Variants in DNAJC21 observed in about 807,000 individuals in gnomAD.
DNAJC21 encodes the protein DnaJ heat shock protein family (Hsp40) member C21, also known as dnaJ homolog subfamily C member 21.
A neutral mutation model predicts 72.4 loss-of-function variants in DNAJC21; 63 were observed. The observed-to-expected ratio is 0.87, with a 90% confidence interval of 0.71 to 1.07. DNAJC21 has a LOEUF of 1.07. Ranked by LOEUF, DNAJC21 falls within the 50% of genes least tolerant of loss-of-function variation. The pLI is 0.00. For missense variants in DNAJC21, 634 were observed against 644.8 expected (o/e 0.98, Z 0.18); for synonymous variants, 203 against 216.7 (o/e 0.94, Z 0.56).
Position 34,939,003 on chromosome 5 carries a change from G to C in DNAJC21, c.889G>C (p.Glu297Gln), listed in dbSNP as rs190691310. 1 of 1,592,614 alleles carries C rather than the reference G, an allele frequency of 6.3e-7. No homozygotes were observed. Among genetic ancestry groups the C allele is most frequent in the East Asian group, 2.3e-5 (1 of 44,148 alleles). The change falls in exon 6 of 12, where the codon GAG becomes CAG. Residue 297 changes from glutamate (E) to glutamine (Q), a missense_variant. Transcript: ENST00000648817. ...GGAAGAACATGAACTCAAAGATGAGGAGGATGGTAATATTATTTTTATTTT... is the reference window on the plus strand; with the variant it reads ...GGAAGAACATGAACTCAAAGATGAGCAGGATGGTAATATTATTTTTATTTT... ...EMEEHELKDE[E>Q]DGKDSDEAED...
intron 6 of DNAJC21, among the ~76,000 whole-genome samples, 158 bp from the exon 7 acceptor site, chr5:34,940,938 C>T (rs1764965184): frequency 6.6e-6 from 1 of 152,080 alleles, no homozygotes; most frequent in African/African-American, 2.4e-5. Flanking sequence ...GGAGCCTTTC[C>T]TTATAGTACA....
intron 9 of DNAJC21, chr5:34,949,794 A>T: frequency 6.6e-7 from 1 of 1,508,704 alleles, no homozygotes; most frequent in Non-Finnish European, 8.8e-7. Flanking sequence ...AATATGGAAA[A>T]GTATCATCCT....
At chr5:34,947,666 T>TC (rs1216881461) in intron 9 of DNAJC21, among the ~76,000 whole-genome samples, 4 of 151,418 alleles carry the variant, frequency 2.6e-5, no homozygotes, top group African/African-American at 9.7e-5. Context: ...GTTTTTTTTT[T>TC]TTTTTTTGAA....
At chr5:34,941,410 A>G (rs1468361057) in intron 7 of DNAJC21, among the ~76,000 whole-genome samples, 1 of 152,014 alleles carries the variant, frequency 6.6e-6, no homozygotes, top group Non-Finnish European at 1.5e-5. Flanking sequence ...TTCTTTGGAG[A>G]TGGGGTTTTG....
intron 11 of DNAJC21, 62 bp from the exon 12 acceptor site, chr5:34,954,491 C>T: frequency 1.3e-6 from 2 of 1,502,546 alleles, no homozygotes; most frequent in Non-Finnish European, 1.8e-6. Flanking sequence ...GATATTAAAA[C>T]CTAAAACACT....
At chr5:34,949,421 C>T in intron 9 of DNAJC21, 1 of 1,456,620 alleles carries the variant, frequency 6.9e-7, no homozygotes. Context: ...ACCCCCTATC[C>T]TGTATATCCC....
intron 6 of DNAJC21, among the ~76,000 whole-genome samples, chr5:34,940,751 A>G (rs541711599): frequency 1.3e-5 from 2 of 152,338 alleles, no homozygotes; most frequent in East Asian, 3.9e-4. Flanking sequence ...TTTGGACCAA[A>G]TCTTGCTCAA....
intron 9 of DNAJC21, among the ~76,000 whole-genome samples, chr5:34,946,207 A>G (rs1489030759): frequency 1.3e-5 from 2 of 152,172 alleles, no homozygotes; most frequent in African/African-American, 4.8e-5. Context: ...AAACATTGCA[A>G]AAGGAACATT....
chr5:34,952,232 G>C, intron 10 of DNAJC21: 1 of 984,888 alleles, frequency 1.0e-6, no homozygotes, highest in Non-Finnish European at 1.2e-6. Flanking sequence ...ATGTTTGCCA[G>C]GAATATTATC....
At chr5:34,948,971 T>C (rs902681852) in intron 9 of DNAJC21, among the ~76,000 whole-genome samples, 1 of 152,178 alleles carries the variant, frequency 6.6e-6, no homozygotes, top group Admixed American at 6.5e-5. Context: ...AAATCACTCT[T>C]CTACATCCAC....
rs764952679 is a variant in DNAJC21 at position 34,938,959 on chromosome 5, G to A, written c.845G>A (p.Gly282Glu). 5 of 1,613,842 alleles carry A rather than the reference G, an allele frequency of 3.1e-6. No individual in the cohort carries two copies. Among genetic ancestry groups the A allele is most frequent in the Non-Finnish European group, 4.2e-6 (5 of 1,179,858 alleles). The stretch of plus-strand genomic sequence containing the variant: ...CGGTACGAGAAGGAGTTTGGAGATG[G>A]ATCGGATGAAAATGAAATGGAAGAA... ...EARYEKEFGD[G>E]SDENEMEEHE... The change falls in exon 6 of 12, where the codon GGA (glycine) becomes GAA (glutamate). Residue 282 changes from glycine (G) to glutamate (E), a missense_variant. Transcript: ENST00000648817.
intron 7 of DNAJC21, among the ~76,000 whole-genome samples, chr5:34,943,191 C>T (rs1765056103): frequency 6.7e-6 from 1 of 150,374 alleles, no homozygotes; most frequent in Admixed American, 6.6e-5. Flanking sequence ...CCAATTTTGC[C>T]AATCAATTAT....
chr5:34,937,270 C>G lies in DNAJC21; in HGVS notation c.439-56C>G, dbSNP rs1764810016. The G allele has an allele frequency of 2.0e-6, 3 of 1,534,752 alleles. No individual in the cohort carries two copies. The African/African-American group carries it at 4.2e-5, about 21-fold the overall frequency. ...TGTTTCGCATCAGTAATATTTACTG[C>G]TTTTCTAAAAAAAAATCTTAAAGCG... On this transcript the variant is annotated intron_variant, in intron 4 of 11. Coordinates refer to ENST00000648817, the MANE Select transcript of DNAJC21 (RefSeq NM_001012339.3).
chr5:34,936,815 A>C (rs1382077346), intron 4 of DNAJC21, among the ~76,000 whole-genome samples: 1 of 151,992 alleles, frequency 6.6e-6, no homozygotes, highest in African/African-American at 2.4e-5. Context: ...CATTGGCACC[A>C]CCTCAGCTCA....
chr5:34,943,184 A>G (rs1009098243), intron 7 of DNAJC21, among the ~76,000 whole-genome samples: 5 of 152,192 alleles, frequency 3.3e-5, no homozygotes, highest in Admixed American at 6.5e-5. Context: ...CTGCATTCCA[A>G]TTTTGCCAAT....
chr5:34,938,820 C>T (rs763286433), intron 5 of DNAJC21, 38 bp from the exon 6 acceptor site: 9 of 1,541,606 alleles, frequency 5.8e-6, no homozygotes, highest in South Asian at 2.5e-5. Context: ...CATGCAGAGG[C>T]GTGCTTGTCG....
chr5:34,952,999 A>G (rs1377041550), intron 10 of DNAJC21, among the ~76,000 whole-genome samples: 1 of 151,916 alleles, frequency 6.6e-6, no homozygotes, highest in Non-Finnish European at 1.5e-5. Flanking sequence ...AAAATACAAA[A>G]ATTAGCTGAG....
chr5:34,929,771 C>A lies in DNAJC21; in HGVS notation c.-49C>A. The A allele has an allele frequency of 1.9e-6, 2 of 1,062,538 alleles. No homozygotes were observed. The highest frequency in any genetic ancestry group is 2.3e-6 in the Non-Finnish European group (2 of 852,240). The allele number at this position is 1,062,538 out of a possible 1,614,324, so 65.8% of individuals were successfully genotyped here. A position where few individuals can be genotyped will look rare whatever the true frequency, so the allele number is the denominator to read the frequency against. ...GCCGCCGCTTCGGCCCGGGCCCGGG[C>A]CCCGACCCCGTCCCGGGCCCCAGCG... is the stretch of plus-strand genomic sequence containing the variant. On this transcript the variant is annotated 5_prime_UTR_variant, in exon 1 of 12. Coordinates refer to ENST00000648817, the MANE Select transcript of DNAJC21 (RefSeq NM_001012339.3).
At chr5:34,946,680 A>T (rs1316667208) in intron 9 of DNAJC21, among the ~76,000 whole-genome samples, 1 of 152,140 alleles carries the variant, frequency 6.6e-6, no homozygotes, top group Non-Finnish European at 1.5e-5. Flanking sequence ...CTTTTTATAA[A>T]TTGACATCTA....
Sources: gnomAD v4.1 joint callset for allele counts (sites outside exome capture counted in the v4.1 genomes callset) on GRCh38, gnomAD v4.1.1 for gene constraint, MANE v1.5 for transcripts, NCBI Gene and HGNC (gene_info 2026-07-23, HGNC 2026-07-21) for gene names.